The following CRYAB variants were observed in gnomAD, a reference collection of about 807,000 sequenced individuals.
CRYAB encodes the protein crystallin alpha B, also known as alpha-crystallin B chain.
CRYAB carries 9 observed loss-of-function variants against 12.7 expected under a neutral mutation model. The observed-to-expected ratio is 0.71, with a 90% CI of 0.43 to 1.24. CRYAB has a LOEUF of 1.24. CRYAB is among the 50% of genes most tolerant of loss of function. CRYAB has a pLI of 0.00. For missense variants in CRYAB, 183 were observed against 226.6 expected, an observed-to-expected ratio of 0.81 and a Z score of 1.24; for synonymous variants, 93 against 86.8, an observed-to-expected ratio of 1.07 and a Z score of -0.40.
chr11:111,912,819 C>T, upstream of CRYAB: 2 of 1,592,028 alleles, frequency 1.3e-6, no homozygotes, highest in Non-Finnish European at 1.7e-6. Context: ...GCTTCTGCTG[C>T]ATCTGCAGCC....
At chr11:111,923,256 T>C (rs1555166678) in intron 1 of CRYAB, among the ~76,000 whole-genome samples, 1 of 152,248 alleles carries the variant, frequency 6.6e-6, no homozygotes, top group Non-Finnish European at 1.5e-5. Flanking sequence ...CTGAACCACC[T>C]GTAGAGTTTG....
chr11:111,916,770 C>CTAT, upstream of CRYAB, among the ~76,000 whole-genome samples: 1 of 152,232 alleles, frequency 6.6e-6, no homozygotes, highest in Admixed American at 6.5e-5. Context: ...CCACAATGGT[C>CTAT]TATTCCTCTA....
chr11:111,912,615 C>G (rs1443803894), upstream of CRYAB: 1 of 590,800 alleles, frequency 1.7e-6, no homozygotes, highest in Non-Finnish European at 3.0e-6. Context: ...GGGGAGGGGA[C>G]TAGGGGTCCG....
upstream of CRYAB, chr11:111,913,551 C>T (rs1566414739): frequency 6.2e-7 from 1 of 1,614,188 alleles, no homozygotes. Flanking sequence ...CGAGCTTAGG[C>T]TCAGTGAGGG....
upstream of CRYAB, chr11:111,913,969 G>C (rs1380094512): frequency 7.8e-7 from 1 of 1,289,844 alleles, no homozygotes; most frequent in Non-Finnish European, 1.1e-6. Flanking sequence ...CACCACTCCA[G>C]AGGTAGCAGC....
chr11:111,920,694 G>A lies in CRYAB; in HGVS notation c.-199+3009C>T, dbSNP rs372486771. ...CAGGAGGATCACCTGAGCCCTGGGG[G>A]TAGAGGCTGCAGTGAACCATGATCA... On this transcript the variant is annotated intron_variant, in intron 1 of 3. Coordinates refer to the CRYAB transcript ENST00000527950. 2.0e-5 allele frequency among the ~76,000 whole-genome samples: 3 copies of A among 152,244 alleles called. No individual in the cohort carries two copies. The South Asian group carries it at 6.2e-4, about 32-fold the overall frequency.
chr11:111,909,059 G>T (rs1965369187), intron 2 of CRYAB, 92 bp from the exon 3 acceptor site: 1 of 1,296,980 alleles, frequency 7.7e-7, no homozygotes, highest in Non-Finnish European at 1.1e-6. Flanking sequence ...TTCCCCTTAG[G>T]TGAGACCAAA....
chr11:111,910,212 G>T, intron 2 of CRYAB, 115 bp downstream of exon 2: 1 of 1,296,530 alleles, frequency 7.7e-7, no homozygotes, highest in Non-Finnish European at 1.1e-6. Flanking sequence ...CCCTGATCCC[G>T]ACTGTTATGG....
chr11:111,912,181 G>C (rs570083290), upstream of CRYAB: 25 of 222,234 alleles, frequency 1.1e-4, no homozygotes, highest in Non-Finnish European at 2.0e-4. Flanking sequence ...GCAGGGACTG[G>C]AATCTTCCTA....
At chr11:111,923,167 A>G (rs1404901420) in intron 1 of CRYAB, among the ~76,000 whole-genome samples, 1 of 152,248 alleles carries the variant, frequency 6.6e-6, no homozygotes, top group African/African-American at 2.4e-5. Context: ...TCTTAGGATA[A>G]GGCTGACTGA....
chr11:111,912,887 A>G, upstream of CRYAB: 1 of 1,609,630 alleles, frequency 6.2e-7, no homozygotes, highest in East Asian at 2.2e-5. Flanking sequence ...CGAATTTGCC[A>G]ACCCGAGCCG....
intron 2 of CRYAB, 72 bp downstream of exon 2, chr11:111,910,255 T>C (rs1279332050): frequency 6.3e-7 from 1 of 1,594,146 alleles, no homozygotes; most frequent in Non-Finnish European, 8.6e-7. Context: ...CCTCCAAAGC[T>C]GATAGCACTA....
chr11:111,911,567 G>A lies in CRYAB; in HGVS notation c.158C>T (p.Ser53Phe). The change falls in exon 1 of 3, where the codon TCC becomes TTC. Residue 53 changes from serine to phenylalanine, a missense_variant. Physicochemically the swap from Ser to Phe is radical, Grantham distance 155. Coordinates refer to ENST00000650687, the MANE Select transcript of CRYAB (RefSeq NM_001289808.2). Reference sequence around the variant, plus strand: ...AAACCAGCTGGGTGCCCGCAGGAAGGAGGGTGGCCGAAGGTAGAAGGGACT... The same window carrying A: ...AAACCAGCTGGGTGCCCGCAGGAAGAAGGGTGGCCGAAGGTAGAAGGGACT... ...SLSPFYLRPPSFLRAPSWFDT... is the reference protein window; with the variant it reads ...SLSPFYLRPPFFLRAPSWFDT... 6.2e-7 allele frequency: 1 copy of A among 1,613,246 alleles called. No homozygotes were observed. Among genetic ancestry groups the A allele is most frequent in the Non-Finnish European group, 8.5e-7 (1 of 1,179,774 alleles).
At chr11:111,919,860 C>T (rs371819893) in intron 1 of CRYAB, among the ~76,000 whole-genome samples, 7 of 152,262 alleles carry the variant, frequency 4.6e-5, no homozygotes, top group African/African-American at 1.7e-4. Flanking sequence ...ATAATATTGC[C>T]TCTTAGATCA....
At chr11:111,912,804 C>G, upstream of CRYAB, 1 of 1,569,576 alleles carries the variant, frequency 6.4e-7, no homozygotes, top group Non-Finnish European at 8.7e-7. Flanking sequence ...GCACCTCGGA[C>G]CAGGGCTTCT....
upstream of CRYAB, chr11:111,913,395 C>A: frequency 6.8e-7 from 1 of 1,460,594 alleles, no homozygotes; most frequent in Non-Finnish European, 9.4e-7. Flanking sequence ...CCTGTGCCAG[C>A]CTCATCCTCC....
rs782207762 is a variant in CRYAB, at chr11:111,911,510, G to C, written c.201+14C>G. On this transcript the variant is annotated intron_variant, in intron 1 of 2. Transcript: ENST00000650687. ...CAGTAAGGACTCTCCCGTCCTAGCTGTGGGGAGACTCACCTCTGAGAGTCC... is the reference window on the plus strand; with the variant it reads ...CAGTAAGGACTCTCCCGTCCTAGCTCTGGGGAGACTCACCTCTGAGAGTCC... 7.8e-5 allele frequency: 125 copies of C among 1,603,632 alleles called. No individual in the cohort carries two copies. Among genetic ancestry groups the C allele is most frequent in the Non-Finnish European group, 1.0e-4 (122 of 1,175,644 alleles).
At chr11:111,912,544 G>A (rs534977074), upstream of CRYAB, 101 of 480,860 alleles carry the variant, frequency 2.1e-4, 1 homozygote, top group African/African-American at 1.9e-3. Context: ...TCCCCAGCTC[G>A]TTCCCAGCCA....
chr11:111,920,625 G>A (rs1265873398), intron 1 of CRYAB, among the ~76,000 whole-genome samples: 7 of 152,050 alleles, frequency 4.6e-5, no homozygotes, highest in South Asian at 2.1e-4. Flanking sequence ...TTAGCTAGGC[G>A]TGGTGGTGCG....
Sources: gnomAD v4.1 joint callset for allele counts (sites outside exome capture counted in the v4.1 genomes callset) on GRCh38, gnomAD v4.1.1 for gene constraint, MANE v1.5 for transcripts, NCBI Gene and HGNC (gene_info 2026-07-23, HGNC 2026-07-21) for gene names.